CFAP54: variants seen among roughly 807,000 people sequenced by gnomAD.
CFAP54 encodes the protein cilia and flagella associated protein 54, also known as cilia- and flagella-associated protein 54.
A neutral mutation model predicts 370.4 loss-of-function variants in CFAP54; 290 were observed. The observed-to-expected ratio is 0.78, with a 90% confidence interval of 0.71 to 0.86. The LOEUF (loss-of-function observed/expected upper bound fraction) is 0.86, where lower values mean the gene tolerates loss of function less well. Among genes scored for constraint, CFAP54 ranks in the 40% least tolerant of loss-of-function variants. CFAP54 has a pLI of 0.00. For synonymous variants in CFAP54, 1,206 were observed against 1,236.5 expected, an observed-to-expected ratio of 0.98 and a Z score of 0.52; for missense variants, 3,399 against 3,528.7, an observed-to-expected ratio of 0.96 and a Z score of 0.93.
intron 66 of CFAP54, among the ~76,000 whole-genome samples, chr12:96,851,234 C>T (rs1959535854): frequency 1.3e-5 from 2 of 151,886 alleles, no homozygotes; most frequent in South Asian, 4.1e-4. Flanking sequence ...TTTACATTTT[C>T]ACCTAACTTA....
At chr12:96,518,281 A>C (rs1055776993) in intron 5 of CFAP54, among the ~76,000 whole-genome samples, 4 of 152,244 alleles carry the variant, frequency 2.6e-5, no homozygotes, top group Admixed American at 6.5e-5. Flanking sequence ...GCTAATCTTC[A>C]GAATCATATA....
At chr12:96,639,997 CA>C in intron 32 of CFAP54, among the ~76,000 whole-genome samples, 1 of 152,272 alleles carries the variant, frequency 6.6e-6, no homozygotes, top group African/African-American at 2.4e-5. Context: ...AAACTGGAAG[CA>C]TTCCCTTTGA....
At chr12:96,683,565 G>A (rs1431277205) in intron 40 of CFAP54, among the ~76,000 whole-genome samples, 1 of 152,188 alleles carries the variant, frequency 6.6e-6, no homozygotes, top group African/African-American at 2.4e-5. Flanking sequence ...CTTCACTGTA[G>A]GGGAAGTTTC....
At chr12:96,664,788 T>G (rs1377850951) in intron 39 of CFAP54, among the ~76,000 whole-genome samples, 5 of 27,904 alleles carry the variant, frequency 1.8e-4, no homozygotes, top group African/African-American at 5.0e-4. Context: ...TATATATATA[T>G]ATATATATAT....
chr12:96,662,388 A>G (rs1422592783), intron 38 of CFAP54, among the ~76,000 whole-genome samples: 2 of 152,006 alleles, frequency 1.3e-5, no homozygotes, highest in Non-Finnish European at 2.9e-5. Context: ...TATTTTTAGT[A>G]GAGATGGGGT....
intron 1 of CFAP54, among the ~76,000 whole-genome samples, chr12:96,495,804 T>C (rs2095087043): frequency 1.3e-5 from 2 of 148,802 alleles, no homozygotes; most frequent in African/African-American, 5.2e-5. Flanking sequence ...AAAAAAGAGA[T>C]TTTTTCTTTC....
intron 14 of CFAP54, among the ~76,000 whole-genome samples, chr12:96,546,214 T>C (rs1021611046): frequency 6.6e-6 from 1 of 152,152 alleles, no homozygotes. Context: ...CAAGGTAGTG[T>C]TGGAAGTGAA....
intron 42 of CFAP54, among the ~76,000 whole-genome samples, chr12:96,685,591 G>A (rs1432699602): frequency 6.6e-6 from 1 of 151,498 alleles, no homozygotes; most frequent in Admixed American, 6.6e-5. Flanking sequence ...TCACTCTGTT[G>A]CCCTGGCTGG....
intron 17 of CFAP54, among the ~76,000 whole-genome samples, chr12:96,559,713 A>G (rs1281979025): frequency 1.3e-5 from 2 of 152,158 alleles, no homozygotes; most frequent in African/African-American, 2.4e-5. Context: ...GAAGTTGCAG[A>G]CATTATGATA....
chr12:96,860,318 A>G (rs1959846956), intron 66 of CFAP54, among the ~76,000 whole-genome samples: 1 of 152,044 alleles, frequency 6.6e-6, no homozygotes, highest in Admixed American at 6.6e-5. Flanking sequence ...AACCAGTTCT[A>G]TGACCACAAA....
intron 50 of CFAP54, among the ~76,000 whole-genome samples, chr12:96,734,050 T>TTTGTTG (rs34204511): frequency 4.5e-4 from 68 of 151,702 alleles, no homozygotes; most frequent in African/African-American, 1.6e-3. Context: ...CCATGCTATG[T>TTTGTTG]TTGTTGTTGT....
intron 63 of CFAP54, among the ~76,000 whole-genome samples, chr12:96,799,881 C>A: frequency 6.6e-6 from 1 of 152,110 alleles, no homozygotes; most frequent in East Asian, 1.9e-4. Context: ...CTAGAATGCT[C>A]TGCATATAAA....
chr12:96,636,096 G>C (rs540834879), intron 32 of CFAP54, among the ~76,000 whole-genome samples: 1 of 152,272 alleles, frequency 6.6e-6, no homozygotes, highest in African/African-American at 2.4e-5. Flanking sequence ...TCTACCCTGA[G>C]TCGCCTCCTT....
In CFAP54 at chr12:96,621,685, T is replaced by G; in HGVS notation, c.3735T>G (p.Phe1245Leu). The part of the protein sequence containing the change: ...LDITPGCKSL[F>L]DGSNEQEEMP... The stretch of plus-strand genomic sequence containing the variant: ...TCACACCAGGATGCAAGTCTCTGTT[T>G]GATGGTAGTAATGAACAAGAAGAAA... Residue 1245 changes from phenylalanine to leucine, a missense_variant, in exon 27 of 68, where the codon TTT becomes TTG. Transcript: ENST00000524981. 6.5e-7 allele frequency: 1 copy of G among 1,528,594 alleles called. No individual in the cohort carries two copies. Among genetic ancestry groups the G allele is most frequent in the Non-Finnish European group, 8.8e-7 (1 of 1,142,722 alleles). The allele number at this position is 1,528,594 out of a possible 1,614,324, so 94.7% of individuals were successfully genotyped here. A position where few individuals can be genotyped will look rare whatever the true frequency, so the allele number is the denominator to read the frequency against.
At chr12:96,761,258 T>C (rs1036533059) in intron 58 of CFAP54, among the ~76,000 whole-genome samples, 6 of 152,164 alleles carry the variant, frequency 3.9e-5, no homozygotes, top group African/African-American at 1.4e-4. Flanking sequence ...GCCATTTGTG[T>C]ATCTTCTTTG....
intron 32 of CFAP54, among the ~76,000 whole-genome samples, chr12:96,636,691 C>T (rs906508584): frequency 7.9e-5 from 12 of 152,118 alleles, no homozygotes; most frequent in Non-Finnish European, 1.3e-4. Context: ...CGTGGTGGCT[C>T]ATGCTTGTAA....
chr12:96,496,962 T>C (rs775124870), intron 1 of CFAP54, among the ~76,000 whole-genome samples: 5 of 152,220 alleles, frequency 3.3e-5, no homozygotes, highest in Admixed American at 6.5e-5. Context: ...TCTAAGTGGA[T>C]TGACTGGCCA....
At chr12:96,516,918 G>A (rs1210198197) in intron 5 of CFAP54, among the ~76,000 whole-genome samples, 3 of 151,950 alleles carry the variant, frequency 2.0e-5, no homozygotes, top group African/African-American at 7.3e-5. Context: ...TGATTTAATC[G>A]TATGTATATT....
chr12:96,511,596 G>A (rs1266355961), intron 4 of CFAP54, among the ~76,000 whole-genome samples: 2 of 151,822 alleles, frequency 1.3e-5, no homozygotes, highest in African/African-American at 2.4e-5. Flanking sequence ...GGGATTACAG[G>A]TGTGAGACAC....
Sources: allele counts gnomAD v4.1 joint callset (sites outside exome capture counted in the v4.1 genomes callset), GRCh38; gene constraint gnomAD v4.1.1; transcripts MANE v1.5; gene names NCBI Gene and HGNC (gene_info 2026-07-23, HGNC 2026-07-21).